EXOC4: variants seen among roughly 807,000 people sequenced by gnomAD.
EXOC4 encodes the protein exocyst complex component 4.
In EXOC4, 71 loss-of-function variants were observed where a neutral mutation model predicts 107.2. The observed-to-expected ratio is 0.66, with a 90% confidence interval of 0.55 to 0.81. EXOC4 has a LOEUF of 0.81. Ranked by LOEUF, EXOC4 falls within the 30% of genes least tolerant of loss-of-function variation. The pLI is 0.00. For synonymous variants in EXOC4, 456 were observed against 441.2 expected (o/e 1.03, Z -0.42); for missense variants, 1,108 against 1,189.6 (o/e 0.93, Z 1.01).
At chr7:133,496,257 G>A (rs1486443585) in intron 9 of EXOC4, among the ~76,000 whole-genome samples, 1 of 152,066 alleles carries the variant, frequency 6.6e-6, no homozygotes, top group East Asian at 1.9e-4. Flanking sequence ...TGGACATCAG[G>A]TGATCTTCCT....
chr7:133,465,166 A>C (rs1484918969), intron 7 of EXOC4, among the ~76,000 whole-genome samples: 1 of 152,172 alleles, frequency 6.6e-6, no homozygotes, highest in Admixed American at 6.5e-5. Context: ...TTGGTAGTCA[A>C]AGTTGAAAAG....
At chr7:133,365,143 A>T (rs982382926) in intron 6 of EXOC4, among the ~76,000 whole-genome samples, 6 of 152,148 alleles carry the variant, frequency 3.9e-5, no homozygotes, top group African/African-American at 1.4e-4. Flanking sequence ...TGAGAATCAA[A>T]TTTTATTATC....
intron 7 of EXOC4, among the ~76,000 whole-genome samples, chr7:133,391,745 A>G (rs917498514): frequency 6.6e-6 from 1 of 152,254 alleles, no homozygotes; most frequent in Non-Finnish European, 1.5e-5. Flanking sequence ...CAGACAGCAT[A>G]TCAGCAAAAA....
the EXOC4 span, among the ~76,000 whole-genome samples, chr7:134,093,069 C>A: frequency 6.6e-6 from 1 of 151,994 alleles, no homozygotes; most frequent in Non-Finnish European, 1.5e-5. Context: ...ACCATTGAAT[C>A]AAAACCTCGC....
chr7:133,716,664 C>T (rs970577995), intron 10 of EXOC4, among the ~76,000 whole-genome samples: 5 of 152,076 alleles, frequency 3.3e-5, no homozygotes, highest in African/African-American at 9.7e-5. Flanking sequence ...ATTCTTTGGC[C>T]GGGCACTGTG....
chr7:133,731,728 G>T (rs1413523982), intron 10 of EXOC4, among the ~76,000 whole-genome samples: 3 of 151,998 alleles, frequency 2.0e-5, no homozygotes, highest in African/African-American at 7.3e-5. Flanking sequence ...TATAATAAAA[G>T]CTTGTTTTTT....
At chr7:133,447,621 A>T (rs901995371) in intron 7 of EXOC4, among the ~76,000 whole-genome samples, 5 of 151,988 alleles carry the variant, frequency 3.3e-5, no homozygotes, top group Non-Finnish European at 7.4e-5. Flanking sequence ...TTTTCTGTTT[A>T]TCAATAAATG....
chr7:133,322,028 T>TAG (rs1372279099), intron 5 of EXOC4, among the ~76,000 whole-genome samples: 8 of 152,384 alleles, frequency 5.2e-5, no homozygotes, highest in Admixed American at 5.2e-4. Context: ...TTTTGAGAAG[T>TAG]GTCTGTTCAT....
chr7:133,760,500 G>A (rs1341089398), intron 10 of EXOC4, among the ~76,000 whole-genome samples: 1 of 152,092 alleles, frequency 6.6e-6, no homozygotes, highest in Admixed American at 6.6e-5. Flanking sequence ...TCAGAATTCA[G>A]TGTCTTCTAG....
Position 133,505,621 on chromosome 7 carries a change from G to T in EXOC4, c.1417+25483G>T, listed in dbSNP as rs143752422. Among the ~76,000 whole-genome samples the T allele has an allele frequency of 1.7e-3, 257 of 152,084 alleles. 1 individual carries two copies. Among genetic ancestry groups the T allele is most frequent in the African/African-American group, 5.9e-3 (246 of 41,498 alleles). ...TGTGAGGTCCAGCTAATTGCAAGAC[G>T]TCCTAAGTTAGATATCTCGTGCCCA... is the stretch of plus-strand genomic sequence containing the variant. On this transcript the variant is annotated intron_variant, in intron 9 of 17. Transcript: ENST00000253861.
chr7:133,524,136 C>G (rs1800033370), intron 9 of EXOC4, among the ~76,000 whole-genome samples: 1 of 140,838 alleles, frequency 7.1e-6, no homozygotes, highest in African/African-American at 2.7e-5. Context: ...GATTGCCATT[C>G]TAACTGGTAT....
chr7:133,772,722 CA>C (rs1238581545), intron 10 of EXOC4, among the ~76,000 whole-genome samples: 1 of 151,970 alleles, frequency 6.6e-6, no homozygotes, highest in African/African-American at 2.4e-5. Flanking sequence ...TTCTCTAGTC[CA>C]ATCATTTTGG....
chr7:133,309,536 A>C (rs983160711), intron 4 of EXOC4, among the ~76,000 whole-genome samples: 2 of 152,200 alleles, frequency 1.3e-5, no homozygotes, highest in African/African-American at 4.8e-5. Context: ...AGGTAGTTTG[A>C]AACAACTTTG....
chr7:134,097,079 A>G, the EXOC4 span, among the ~76,000 whole-genome samples: 14 of 152,176 alleles, frequency 9.2e-5, no homozygotes. Context: ...TAAAAAATAG[A>G]GATCAGAAAC....
rs1209410845 is a variant in EXOC4, at chr7:133,306,011, C to A, written c.606C>A (p.Ile202=). The part of the protein sequence containing the change: ...LIDELHRHLY[I]KSTSRVVQRN... Reference sequence around the variant, plus strand: ...ATGAACTACACCGGCACCTGTACATCAAATCGACTAGCCGAGTTGTGCAGC... The same window carrying A: ...ATGAACTACACCGGCACCTGTACATAAAATCGACTAGCCGAGTTGTGCAGC... Residue 202 remains isoleucine (I), a synonymous_variant, in exon 4 of 18, where the codon ATC becomes ATA. Coordinates refer to ENST00000253861, the MANE Select transcript of EXOC4 (RefSeq NM_021807.4). 4 of 1,613,690 alleles carry A rather than the reference C, an allele frequency of 2.5e-6. No homozygotes were observed. In the South Asian group the frequency reaches 4.4e-5, roughly 18 times the overall value.
chr7:133,935,745 C>A (rs1390022159), intron 13 of EXOC4, among the ~76,000 whole-genome samples: 2 of 152,080 alleles, frequency 1.3e-5, no homozygotes, highest in African/African-American at 4.8e-5. Context: ...TTAAAATATT[C>A]TAAAGTGGTG....
At chr7:134,057,782 A>C (rs999320913) in intron 17 of EXOC4, among the ~76,000 whole-genome samples, 1 of 152,128 alleles carries the variant, frequency 6.6e-6, no homozygotes, top group African/African-American at 2.4e-5. Flanking sequence ...CAAGCAGGGG[A>C]CGCTGTAAAG....
At chr7:133,462,448 A>G (rs28533976) in intron 7 of EXOC4, among the ~76,000 whole-genome samples, 6,259 of 152,264 alleles carry the variant, frequency 0.041, 445 homozygotes, top group African/African-American at 0.14. Context: ...AAAAAGACCA[A>G]TGCAAAAAGA....
intron 6 of EXOC4, among the ~76,000 whole-genome samples, chr7:133,364,031 T>G (rs1456029864): frequency 6.6e-6 from 1 of 152,154 alleles, no homozygotes; most frequent in Non-Finnish European, 1.5e-5. Context: ...CCCATCCTCT[T>G]GCTATAGTCT....
Sources: allele counts gnomAD v4.1 joint callset (sites outside exome capture counted in the v4.1 genomes callset), GRCh38; gene constraint gnomAD v4.1.1; transcripts MANE v1.5; gene names NCBI Gene and HGNC (gene_info 2026-07-23, HGNC 2026-07-21).